CCSER1: variants seen among roughly 807,000 people sequenced by gnomAD.
The protein encoded by CCSER1 is serine-rich coiled-coil domain-containing protein 1.
CCSER1 carries 41 observed loss-of-function variants against 82.0 expected under a neutral mutation model. The observed-to-expected ratio is 0.50, with a 90% CI of 0.39 to 0.65. CCSER1 has a LOEUF of 0.65. CCSER1 is among the 30% of genes least tolerant of loss of function. CCSER1 has a pLI of 0.00. For missense variants in CCSER1, 1,119 were observed against 1,064.2 expected, an observed-to-expected ratio of 1.05 and a Z score of -0.72; for synonymous variants, 414 against 383.9, an observed-to-expected ratio of 1.08 and a Z score of -0.92.
chr4:90,269,324 A>T (rs1256797156), intron 1 of CCSER1, among the ~76,000 whole-genome samples: 1 of 152,120 alleles, frequency 6.6e-6, no homozygotes, highest in Admixed American at 6.5e-5. Context: ...AATTGAAATC[A>T]TATGGATTAT....
intron 6 of CCSER1, among the ~76,000 whole-genome samples, chr4:90,713,651 C>T (rs193236102): frequency 4.6e-5 from 7 of 151,852 alleles, no homozygotes; most frequent in African/African-American, 1.2e-4. Flanking sequence ...AAGTATCTTA[C>T]TGGGGTTCTC....
intron 5 of CCSER1, among the ~76,000 whole-genome samples, chr4:90,612,610 A>G (rs988796201): frequency 1.3e-5 from 2 of 152,190 alleles, no homozygotes; most frequent in African/African-American, 4.8e-5. Context: ...TCCCTAGTGT[A>G]AAAAGGTCAG....
intron 5 of CCSER1, among the ~76,000 whole-genome samples, chr4:90,549,425 G>C (rs1777183444): frequency 6.6e-6 from 1 of 152,052 alleles, no homozygotes; most frequent in Non-Finnish European, 1.5e-5. Flanking sequence ...TCCCAGAAGG[G>C]GATTGCTTTA....
Position 91,380,622 on chromosome 4 carries a change from T to A in CCSER1, c.2218-217950T>A, listed in dbSNP as rs1750812179. Among the ~76,000 whole-genome samples the A allele has an allele frequency of 2.0e-5, 3 of 152,228 alleles. No homozygotes were observed. The South Asian group carries it at 6.2e-4, about 31-fold the overall frequency. On this transcript the variant is annotated intron_variant, in intron 10 of 10. Coordinates refer to ENST00000509176, the MANE Select transcript of CCSER1 (RefSeq NM_001145065.2). ...TGGTACATCTTCCTCCTTCCCTTTATTTTGAGCCTTTGTGTGTCTCTGCAT... is the reference window on the plus strand; with the variant it reads ...TGGTACATCTTCCTCCTTCCCTTTAATTTGAGCCTTTGTGTGTCTCTGCAT...
At chr4:90,711,589 T>G (rs1273624689) in intron 6 of CCSER1, among the ~76,000 whole-genome samples, 3 of 152,096 alleles carry the variant, frequency 2.0e-5, no homozygotes, top group African/African-American at 7.2e-5. Flanking sequence ...ATTGAGATAA[T>G]CATGCGGCTT....
chr4:90,897,658 G>A (rs543735831), intron 8 of CCSER1, among the ~76,000 whole-genome samples: 43 of 152,078 alleles, frequency 2.8e-4, no homozygotes, highest in South Asian at 4.1e-4. Flanking sequence ...CCAGTAGTGG[G>A]GTTGAAAGGT....
chr4:91,029,266 C>T (rs577398144), intron 9 of CCSER1, among the ~76,000 whole-genome samples: 10 of 146,870 alleles, frequency 6.8e-5, no homozygotes, highest in Admixed American at 2.0e-4. Context: ...CAGTACTTAT[C>T]GTTCGGTTTT....
chr4:90,749,846 A>G (rs935655365), intron 7 of CCSER1, among the ~76,000 whole-genome samples: 3 of 151,756 alleles, frequency 2.0e-5, no homozygotes, highest in African/African-American at 4.8e-5. Context: ...TTCTAGTTCT[A>G]GATCCCTGAG....
chr4:90,609,481 T>TAGAA (rs138491656), intron 5 of CCSER1, among the ~76,000 whole-genome samples: 71,787 of 151,506 alleles, frequency 0.47, 20,038 homozygotes, highest in African/African-American at 0.79. Context: ...TTCCTTTTGA[T>TAGAA]AGAACAAAAC....
chr4:91,141,085 AT>A (rs1728979265), intron 10 of CCSER1, among the ~76,000 whole-genome samples: 1 of 151,734 alleles, frequency 6.6e-6, no homozygotes, highest in South Asian at 2.1e-4. Context: ...TTCTACATTA[AT>A]TTACTTTTTA....
chr4:90,304,440 C>T (rs1733818645), intron 1 of CCSER1, among the ~76,000 whole-genome samples: 1 of 152,142 alleles, frequency 6.6e-6, no homozygotes, highest in South Asian at 2.1e-4. Context: ...AAATGTGGCA[C>T]ATATACACCA....
At chr4:90,214,318 A>G (rs1740619466) in intron 1 of CCSER1, among the ~76,000 whole-genome samples, 1 of 152,170 alleles carries the variant, frequency 6.6e-6, no homozygotes, top group African/African-American at 2.4e-5. Flanking sequence ...GTAATAGACC[A>G]ATGTGAGAGT....
intron 7 of CCSER1, among the ~76,000 whole-genome samples, chr4:90,760,700 T>A (rs62313014): frequency 6.6e-6 from 1 of 152,014 alleles, no homozygotes; most frequent in Non-Finnish European, 1.5e-5. Flanking sequence ...GTTTTAGAAA[T>A]AGATCTAAGT....
intron 8 of CCSER1, among the ~76,000 whole-genome samples, chr4:90,916,053 T>C (rs1581065014): frequency 6.6e-6 from 1 of 152,108 alleles, no homozygotes. Flanking sequence ...TGCTCATGGA[T>C]AGGAAGAATC....
chr4:90,835,990 A>G (rs956640418), intron 8 of CCSER1, among the ~76,000 whole-genome samples: 2 of 152,208 alleles, frequency 1.3e-5, no homozygotes, highest in Admixed American at 6.5e-5. Context: ...GCTCTTGTAT[A>G]TGACTTAAGT....
At chr4:90,577,811 C>G (rs1780930640) in intron 5 of CCSER1, among the ~76,000 whole-genome samples, 2 of 152,032 alleles carry the variant, frequency 1.3e-5, no homozygotes, top group Admixed American at 1.3e-4. Flanking sequence ...TTTATTTTGA[C>G]AAATAATTTT....
chr4:90,207,753 C>T (rs989905280), intron 1 of CCSER1, among the ~76,000 whole-genome samples: 1 of 152,138 alleles, frequency 6.6e-6, no homozygotes, highest in Non-Finnish European at 1.5e-5. Context: ...CAGTCAGGCC[C>T]CTCTGCTGCA....
chr4:91,280,971 TC>T (rs1484419652), intron 10 of CCSER1, among the ~76,000 whole-genome samples: 1 of 152,100 alleles, frequency 6.6e-6, no homozygotes, highest in Admixed American at 6.5e-5. Flanking sequence ...CAGTGTGAGC[TC>T]CCTCTATGAA....
intron 8 of CCSER1, among the ~76,000 whole-genome samples, chr4:90,843,600 G>T (rs1762834379): frequency 6.6e-6 from 1 of 152,030 alleles, no homozygotes; most frequent in African/African-American, 2.4e-5. Flanking sequence ...GAACTTTTCT[G>T]ATTTTACAAC....
Sources: gnomAD v4.1 joint callset for allele counts (sites outside exome capture counted in the v4.1 genomes callset) on GRCh38, gnomAD v4.1.1 for gene constraint, MANE v1.5 for transcripts, NCBI Gene and HGNC (gene_info 2026-07-23, HGNC 2026-07-21) for gene names.